Variants in PTPRQ observed in about 807,000 individuals in gnomAD.
The protein encoded by PTPRQ is protein tyrosine phosphatase receptor type Q, also known as phosphatidylinositol phosphatase PTPRQ.
In PTPRQ, 199 loss-of-function variants were observed where a neutral mutation model predicts 246.0. The ratio of observed to expected loss-of-function variants is 0.81; its 90% CI spans 0.72 to 0.91. The LOEUF (loss-of-function observed/expected upper bound fraction) is 0.91, where lower values mean the gene tolerates loss of function less well. Among genes scored for constraint, PTPRQ ranks in the 40% least tolerant of loss-of-function variants. PTPRQ has a pLI of 0.00. For synonymous variants in PTPRQ, 869 were observed against 853.2 expected (o/e 1.02, Z -0.32); for missense variants, 2,624 against 2,528.4 (o/e 1.04, Z -0.81).
At chr12:80,560,329 T>A (rs1357397588) in intron 25 of PTPRQ, among the ~76,000 whole-genome samples, 1 of 152,224 alleles carries the variant, frequency 6.6e-6, no homozygotes, top group Non-Finnish European at 1.5e-5. Context: ...AAAGTCCATG[T>A]ATCAAATGAT....
At chr12:80,626,387 G>A (rs1048980251) in intron 33 of PTPRQ, among the ~76,000 whole-genome samples, 1 of 152,090 alleles carries the variant, frequency 6.6e-6, no homozygotes, top group Admixed American at 6.6e-5. Flanking sequence ...ACTCATTTTA[G>A]AAGCTAACTA....
At chr12:80,492,266 G>A (rs532113108) in intron 9 of PTPRQ, among the ~76,000 whole-genome samples, 2 of 151,710 alleles carry the variant, frequency 1.3e-5, no homozygotes, top group Non-Finnish European at 2.9e-5. Flanking sequence ...AAAAACCATG[G>A]ACATTTCCAC....
chr12:80,582,038 T>G (rs1897458112), intron 25 of PTPRQ, among the ~76,000 whole-genome samples: 1 of 152,204 alleles, frequency 6.6e-6, no homozygotes, highest in Non-Finnish European at 1.5e-5. Flanking sequence ...CTAGCAACGA[T>G]TATCCTACAG....
chr12:80,520,612 T>C (rs975829440), intron 17 of PTPRQ, among the ~76,000 whole-genome samples: 2 of 150,180 alleles, frequency 1.3e-5, no homozygotes, highest in African/African-American at 4.9e-5. Flanking sequence ...CATGCGGTGT[T>C]TGGTTTTTTG....
chr12:80,489,488 T>G (rs556223533), intron 9 of PTPRQ, among the ~76,000 whole-genome samples: 1 of 152,158 alleles, frequency 6.6e-6, no homozygotes, highest in African/African-American at 2.4e-5. Flanking sequence ...ATTTAACTCT[T>G]TCTCATTGAA....
intron 24 of PTPRQ, among the ~76,000 whole-genome samples, chr12:80,548,365 A>G (rs1230577612): frequency 6.6e-6 from 1 of 152,116 alleles, no homozygotes; most frequent in Non-Finnish European, 1.5e-5. Context: ...ATGTTCTTAT[A>G]TGATTCTGAA....
chr12:80,565,493 AT>A (rs1233238165), intron 25 of PTPRQ, among the ~76,000 whole-genome samples: 3 of 151,444 alleles, frequency 2.0e-5, no homozygotes, highest in East Asian at 1.9e-4. Context: ...CTCCTCCCCT[AT>A]TTTTTTTCTT....
intron 25 of PTPRQ, among the ~76,000 whole-genome samples, chr12:80,574,874 A>G (rs1178481285): frequency 6.6e-6 from 1 of 152,178 alleles, no homozygotes; most frequent in Non-Finnish European, 1.5e-5. Context: ...CATATAATTA[A>G]AATATTAGGC....
rs568035867 is a variant in PTPRQ at position 80,495,352 on chromosome 12, T to A, written c.1863T>A (p.Asp621Glu). The change falls in exon 12 of 45, where the codon GAT (aspartate) becomes GAA (glutamate). Residue 621 changes from aspartate (D) to glutamate (E), a missense_variant. Coordinates refer to ENST00000644991, the MANE Select transcript of PTPRQ (RefSeq NM_001145026.2). ...GAGCATTCCAGATAACTACCATAGA[T>A]AACAGCTTTCTCATAACAGGTAGAA... ...TNRAFQITTIDNSFLITGLKK... is the reference protein window; with the variant it reads ...TNRAFQITTIENSFLITGLKK... 6.6e-7 allele frequency: 1 copy of A among 1,516,442 alleles called. No individual in the cohort carries two copies. Among genetic ancestry groups the A allele is most frequent in the Non-Finnish European group, 8.8e-7 (1 of 1,136,728 alleles). 93.9% of individuals were successfully genotyped at this position (1,516,442 alleles called of 1,614,324 possible).
At position 80,595,867 on chromosome 12, in the gene PTPRQ, C is replaced by T. The variant is rs576515262; in HGVS notation, c.4609+7415C>T. ...TTGATCATTTTGTGATTTTCCTTTT[C>T]ATTAATTAACATAAGAAATATAAAT... On this transcript the variant is annotated intron_variant, in intron 26 of 44. Coordinates refer to ENST00000644991, the MANE Select transcript of PTPRQ (RefSeq NM_001145026.2). 2.0e-5 allele frequency among the ~76,000 whole-genome samples: 3 copies of T among 151,794 alleles called. No individual in the cohort carries two copies. In the South Asian group the frequency reaches 6.2e-4, roughly 32 times the overall value.
intron 39 of PTPRQ, among the ~76,000 whole-genome samples, chr12:80,667,483 T>C (rs1348831625): frequency 1.3e-5 from 2 of 152,014 alleles, no homozygotes; most frequent in Admixed American, 1.3e-4. Context: ...CCCTTATCAC[T>C]TTTATAAATT....
At chr12:80,642,003 TC>T (rs1451548982) in intron 35 of PTPRQ, among the ~76,000 whole-genome samples, 34 of 152,172 alleles carry the variant, frequency 2.2e-4, no homozygotes, top group African/African-American at 8.0e-4. Context: ...CTTTCTTTTT[TC>T]TTGCTTTCCT....
At chr12:80,578,544 C>T (rs1565797801) in intron 25 of PTPRQ, among the ~76,000 whole-genome samples, 1 of 151,968 alleles carries the variant, frequency 6.6e-6, no homozygotes, top group African/African-American at 2.4e-5. Context: ...GCGCCTGCCA[C>T]TACGCCCGGC....
chr12:80,631,779 A>G (rs1005121464), intron 33 of PTPRQ, among the ~76,000 whole-genome samples: 14 of 152,194 alleles, frequency 9.2e-5, no homozygotes, highest in African/African-American at 3.4e-4. Context: ...ATCAACTGAG[A>G]GGTGGGAGGA....
chr12:80,445,241 A>G (rs567882044), intron 2 of PTPRQ, among the ~76,000 whole-genome samples: 1 of 152,006 alleles, frequency 6.6e-6, no homozygotes, highest in African/African-American at 2.4e-5. Context: ...TTTAAAAATG[A>G]TTTGGCAACA....
At chr12:80,612,468 A>G (rs1438292005) in intron 28 of PTPRQ, among the ~76,000 whole-genome samples, 3 of 150,436 alleles carry the variant, frequency 2.0e-5, no homozygotes, top group Non-Finnish European at 4.5e-5. Context: ...TAAAGCCACA[A>G]TAAGGTATTA....
chr12:80,525,411 A>G (rs1895651781), intron 17 of PTPRQ, among the ~76,000 whole-genome samples: 1 of 152,146 alleles, frequency 6.6e-6, no homozygotes, highest in Non-Finnish European at 1.5e-5. Context: ...CAACAATGAG[A>G]TGGCCTTTGT....
At chr12:80,632,828 T>C (rs1899490704) in intron 34 of PTPRQ, among the ~76,000 whole-genome samples, 1 of 152,126 alleles carries the variant, frequency 6.6e-6, no homozygotes, top group Non-Finnish European at 1.5e-5. Context: ...AGGCTGAAAT[T>C]GGTAATAGAA....
chr12:80,467,646 G>A (rs1320631461), intron 6 of PTPRQ, among the ~76,000 whole-genome samples: 1 of 151,922 alleles, frequency 6.6e-6, no homozygotes, highest in African/African-American at 2.4e-5. Context: ...AGAAAATGTG[G>A]CACATATACA....
Sources: gnomAD v4.1 joint callset for allele counts (sites outside exome capture counted in the v4.1 genomes callset) on GRCh38, gnomAD v4.1.1 for gene constraint, MANE v1.5 for transcripts, NCBI Gene and HGNC (gene_info 2026-07-23, HGNC 2026-07-21) for gene names.